ATXN7L1: variants seen among roughly 807,000 people sequenced by gnomAD.
ATXN7L1 encodes the protein ataxin 7 like 1, also known as ataxin-7-like protein 1.
In ATXN7L1, 15 loss-of-function variants were observed where a neutral mutation model predicts 70.8. The ratio of observed to expected loss-of-function variants is 0.21; its 90% CI spans 0.14 to 0.33. The LOEUF (loss-of-function observed/expected upper bound fraction) is 0.33. Ranked by LOEUF, ATXN7L1 falls within the 10% of genes least tolerant of loss-of-function variation. The pLI is 1.00. For synonymous variants in ATXN7L1, 440 were observed against 445.1 expected, an observed-to-expected ratio of 0.99 and a Z score of 0.14; for missense variants, 975 against 1,097.1, an observed-to-expected ratio of 0.89 and a Z score of 1.57.
chr7:105,854,530 GA>G (rs57227370), intron 2 of ATXN7L1, among the ~76,000 whole-genome samples: 4,093 of 142,816 alleles, frequency 0.029, 65 homozygotes, highest in Non-Finnish European at 0.033. Context: ...CCTTATAGAG[GA>G]AAAAAAAAAA....
At chr7:105,692,009 A>G (rs60899928) in intron 3 of ATXN7L1, among the ~76,000 whole-genome samples, 19,909 of 152,258 alleles carry the variant, frequency 0.13, 1,643 homozygotes, top group South Asian at 0.27. Flanking sequence ...GCAAGCCCCA[A>G]AGCAATTGGG....
In ATXN7L1 at chr7:105,726,235, T is replaced by A. The variant is rs2539824; in HGVS notation, c.356-60947A>T. On this transcript the variant is annotated intron_variant, in intron 3 of 11. Transcript: ENST00000419735. ...CATTTCTGATTAAACAGCAGCACAG[T>A]GAATTATAAGCTTTCACACATCCAT... Among the ~76,000 whole-genome samples the A allele has an allele frequency of 1.3e-4, 20 of 152,142 alleles. No individual in the cohort carries two copies. The South Asian group carries it at 3.7e-3, about 28-fold the overall frequency.
intron 2 of ATXN7L1, among the ~76,000 whole-genome samples, chr7:105,845,490 A>T (rs768332553): frequency 0.14 from 21,426 of 150,848 alleles, 1,664 homozygotes; most frequent in Middle Eastern, 0.22. Flanking sequence ...CTACAGATTC[A>T]ACGTAATCTT....
intron 3 of ATXN7L1, among the ~76,000 whole-genome samples, chr7:105,778,601 AT>A (rs1465161449): frequency 6.6e-6 from 1 of 151,912 alleles, no homozygotes; most frequent in Non-Finnish European, 1.5e-5. Flanking sequence ...GAACTGAACC[AT>A]TATATCTGCT....
intron 9 of ATXN7L1, among the ~76,000 whole-genome samples, chr7:105,615,674 G>T (rs1251835642): frequency 6.6e-6 from 1 of 152,176 alleles, no homozygotes; most frequent in Non-Finnish European, 1.5e-5. Flanking sequence ...TGAGTGTGGG[G>T]ACCCTCATAT....
At chr7:105,819,058 G>T (rs1429530996) in intron 2 of ATXN7L1, among the ~76,000 whole-genome samples, 2 of 101,150 alleles carry the variant, frequency 2.0e-5, no homozygotes, top group Non-Finnish European at 1.9e-5. Flanking sequence ...GAGAGACCCC[G>T]GTGTGTGACG....
intron 2 of ATXN7L1, among the ~76,000 whole-genome samples, chr7:105,859,905 C>T (rs1816316138): frequency 6.7e-6 from 1 of 150,208 alleles, no homozygotes; most frequent in Non-Finnish European, 1.5e-5. Flanking sequence ...ACCTCGGCCT[C>T]CCAAGTAGCT....
intron 4 of ATXN7L1, among the ~76,000 whole-genome samples, chr7:105,658,424 T>C (rs1801031486): frequency 6.6e-6 from 1 of 152,150 alleles, no homozygotes; most frequent in African/African-American, 2.4e-5. Flanking sequence ...AGTATTTGTG[T>C]GTCTAAACAT....
intron 2 of ATXN7L1, among the ~76,000 whole-genome samples, chr7:105,806,628 G>C (rs984074281): frequency 2.6e-5 from 4 of 152,164 alleles, no homozygotes; most frequent in African/African-American, 9.7e-5. Flanking sequence ...CTGTGAAACA[G>C]TGTTGTCTGA....
intron 3 of ATXN7L1, among the ~76,000 whole-genome samples, chr7:105,677,041 G>A (rs1386486219): frequency 3.9e-5 from 6 of 152,256 alleles, no homozygotes. Flanking sequence ...AGGCCCCGTG[G>A]AGGGAGGATC....
At chr7:105,633,538 T>C (rs1203657763) in intron 7 of ATXN7L1, among the ~76,000 whole-genome samples, 1 of 152,074 alleles carries the variant, frequency 6.6e-6, no homozygotes, top group Non-Finnish European at 1.5e-5. Flanking sequence ...GCCAACACGG[T>C]GAAACCCCCA....
At chr7:105,844,147 G>T (rs1813625503) in intron 2 of ATXN7L1, among the ~76,000 whole-genome samples, 1 of 152,148 alleles carries the variant, frequency 6.6e-6, no homozygotes, top group Admixed American at 6.5e-5. Flanking sequence ...AGTTTTCAAA[G>T]AAACTCAGGC....
At chr7:105,638,632 G>T in intron 6 of ATXN7L1, 23 bp from the exon 7 acceptor site, 2 of 1,540,220 alleles carry the variant, frequency 1.3e-6, no homozygotes, top group Non-Finnish European at 1.8e-6. Flanking sequence ...GAAATGAAAA[G>T]CACAGCCTCT....
At chr7:105,739,313 C>G (rs570820614) in intron 3 of ATXN7L1, among the ~76,000 whole-genome samples, 1 of 152,252 alleles carries the variant, frequency 6.6e-6, no homozygotes, top group African/African-American at 2.4e-5. Flanking sequence ...GAGAAATGCC[C>G]CACCCCAGAC....
At position 105,857,880 on chromosome 7, in the gene ATXN7L1, T is replaced by C. The variant is rs150662025; in HGVS notation, c.250+17932A>G. Among the ~76,000 whole-genome samples the C allele has an allele frequency of 7.2e-5, 11 of 152,202 alleles. No homozygotes were observed. In the East Asian group the frequency reaches 2.1e-3, roughly 29 times the overall value. Reference sequence around the variant, plus strand: ...CCCAGTCCTAAACCTTGTTCCTCCTTAGCTTAAGAATCACAGGCCATCACC... The same window carrying C: ...CCCAGTCCTAAACCTTGTTCCTCCTCAGCTTAAGAATCACAGGCCATCACC... On this transcript the variant is annotated intron_variant, in intron 2 of 11. Coordinates refer to ENST00000419735, the MANE Select transcript of ATXN7L1 (RefSeq NM_020725.2).
intron 3 of ATXN7L1, among the ~76,000 whole-genome samples, chr7:105,754,126 C>T (rs759474820): frequency 6.6e-6 from 1 of 152,270 alleles, no homozygotes. Context: ...GGATAGACTG[C>T]GGTAAGAGCT....
chr7:105,701,978 A>C (rs1453147772), intron 3 of ATXN7L1, among the ~76,000 whole-genome samples: 1 of 152,232 alleles, frequency 6.6e-6, no homozygotes, highest in Non-Finnish European at 1.5e-5. Flanking sequence ...CGTGTTTGCT[A>C]GTTACTTCCT....
intron 3 of ATXN7L1, among the ~76,000 whole-genome samples, chr7:105,686,948 A>G (rs1584726655): frequency 2.0e-5 from 3 of 152,124 alleles, no homozygotes; most frequent in African/African-American, 4.8e-5. Flanking sequence ...GGAAGGTAAC[A>G]ATTCCTGACA....
At chr7:105,688,841 T>C (rs1214443883) in intron 3 of ATXN7L1, among the ~76,000 whole-genome samples, 1 of 152,200 alleles carries the variant, frequency 6.6e-6, no homozygotes, top group Non-Finnish European at 1.5e-5. Flanking sequence ...TGAAAATGTA[T>C]GACTCCAGGT....
Sources: gnomAD v4.1 joint callset for allele counts (sites outside exome capture counted in the v4.1 genomes callset) on GRCh38, gnomAD v4.1.1 for gene constraint, MANE v1.5 for transcripts, NCBI Gene and HGNC (gene_info 2026-07-23, HGNC 2026-07-21) for gene names.